RORA: variants seen among roughly 807,000 people sequenced by gnomAD.
The protein encoded by RORA is RAR related orphan receptor A.
In RORA, 7 loss-of-function variants were observed where a neutral mutation model predicts 69.5. The ratio of observed to expected loss-of-function variants is 0.10; its 90% CI spans 0.06 to 0.19. RORA has a LOEUF of 0.19. Ranked by LOEUF, RORA falls within the 10% of genes least tolerant of loss-of-function variation. RORA has a pLI of 1.00. For synonymous variants in RORA, 261 were observed against 240.8 expected (o/e 1.08, Z -0.78); for missense variants, 457 against 663.0 (o/e 0.69, Z 3.41).
intron 1 of RORA, among the ~76,000 whole-genome samples, chr15:60,837,359 A>G (rs2073131688): frequency 6.6e-6 from 1 of 152,248 alleles, no homozygotes; most frequent in Admixed American, 6.5e-5. Flanking sequence ...CCAGATGTGA[A>G]ATGAAGCTTG....
rs186984190 is a variant in RORA at position 60,946,424 on chromosome 15, C to A, written c.167-267738G>T. On this transcript the variant is annotated intron_variant, in intron 1 of 10. Transcript: ENST00000335670. ...CTGCGATTGCAGGCGCGCGCCGCCA[C>A]GCCTGACTGGTTTTCGTATTTTTTT... is the stretch of plus-strand genomic sequence containing the variant. Among the ~76,000 whole-genome samples the A allele has an allele frequency of 8.7e-3, 1,326 of 152,326 alleles. 10 individuals are homozygous for A. Among genetic ancestry groups the A allele is most frequent in the Admixed American group, 0.016 (246 of 15,304 alleles).
At chr15:60,680,080 A>G (rs1218196480) in intron 1 of RORA, among the ~76,000 whole-genome samples, 2 of 152,198 alleles carry the variant, frequency 1.3e-5, no homozygotes, top group African/African-American at 4.8e-5. Flanking sequence ...TGGGAAGGGA[A>G]CTTCCCCCAG....
intron 1 of RORA, among the ~76,000 whole-genome samples, chr15:60,910,903 GGT>G (rs1491558845): frequency 6.2e-5 from 8 of 129,658 alleles, no homozygotes; most frequent in African/African-American, 2.2e-4. Context: ...TTGTTTTTTG[GGT>G]TTTTTTTTTT....
rs538527295 is a variant in RORA at position 60,646,838 on chromosome 15, C to T, written c.196+31819G>A. On this transcript the variant is annotated intron_variant, in intron 2 of 10. Transcript: ENST00000335670. Reference sequence around the variant, plus strand: ...TCGTATGCTTGGGCAAGTCACATAGCTCCTGTGGGACTCCGTTTCCTCACC... The same window carrying T: ...TCGTATGCTTGGGCAAGTCACATAGTTCCTGTGGGACTCCGTTTCCTCACC... 7.7e-4 allele frequency among the ~76,000 whole-genome samples: 118 copies of T among 152,368 alleles called. 1 individual carries two copies. The highest frequency in any genetic ancestry group is 2.1e-3 in the South Asian group (10 of 4,830).
At chr15:61,171,665 C>T (rs1331135875) in intron 1 of RORA, among the ~76,000 whole-genome samples, 1 of 152,200 alleles carries the variant, frequency 6.6e-6, no homozygotes, top group Non-Finnish European at 1.5e-5. Context: ...TAACCTATGA[C>T]ACATCGCTCA....
intron 1 of RORA, among the ~76,000 whole-genome samples, chr15:60,999,442 A>C (rs962119848): frequency 1.3e-5 from 2 of 152,170 alleles, no homozygotes; most frequent in East Asian, 1.9e-4. Context: ...GCTTATATTC[A>C]TGGATGTTAG....
At chr15:60,896,870 C>G (rs1326591377) in intron 1 of RORA, among the ~76,000 whole-genome samples, 3 of 151,978 alleles carry the variant, frequency 2.0e-5, no homozygotes, top group Non-Finnish European at 2.9e-5. Flanking sequence ...AGAGGCTCAG[C>G]TCTATCACTT....
At position 60,493,265 on chromosome 15, in the gene RORA, A is replaced by C. The variant is rs1449730614; in HGVS notation, c.*4190T>G. 1 of 152,112 alleles carries C rather than the reference A, an allele frequency of 6.6e-6. No homozygotes were observed. Among genetic ancestry groups the C allele is most frequent in the Non-Finnish European group, 1.5e-5 (1 of 68,024 alleles). 9.4% of individuals were successfully genotyped at this position (152,112 alleles called of 1,614,324 possible). On this transcript the variant is annotated 3_prime_UTR_variant, in exon 11 of 11. Coordinates refer to ENST00000335670, the MANE Select transcript of RORA (RefSeq NM_134261.3). The stretch of plus-strand genomic sequence containing the variant: ...CCCCTCAACAATAACAAGTGATTCG[A>C]TCGACATTCCTTAGCCAAAAACAAA...
intron 1 of RORA, among the ~76,000 whole-genome samples, chr15:61,142,590 A>G (rs2079310127): frequency 1.3e-5 from 2 of 152,242 alleles, no homozygotes; most frequent in African/African-American, 4.8e-5. Flanking sequence ...TTTATAAATA[A>G]TAATGTAAAA....
At chr15:60,865,530 T>C (rs1401345273) in intron 1 of RORA, among the ~76,000 whole-genome samples, 2 of 152,244 alleles carry the variant, frequency 1.3e-5, no homozygotes, top group East Asian at 3.8e-4. Flanking sequence ...AGAACCTCAA[T>C]GCCCTGCTGT....
intron 1 of RORA, among the ~76,000 whole-genome samples, chr15:61,151,132 A>G (rs2079394560): frequency 1.3e-5 from 2 of 152,326 alleles, no homozygotes; most frequent in Admixed American, 1.3e-4. Flanking sequence ...ATGTAGCCTT[A>G]GATTTCTTTT....
intron 1 of RORA, among the ~76,000 whole-genome samples, chr15:60,926,946 T>C (rs1892237741): frequency 6.6e-6 from 1 of 152,192 alleles, no homozygotes; most frequent in Non-Finnish European, 1.5e-5. Context: ...GCTCTTGAGA[T>C]TTGGGGTAAA....
intron 1 of RORA, among the ~76,000 whole-genome samples, chr15:60,917,420 T>C (rs1326593132): frequency 6.6e-6 from 1 of 152,068 alleles, no homozygotes; most frequent in Non-Finnish European, 1.5e-5. Flanking sequence ...GTAAGGAGAG[T>C]AACAGCGTTA....
intron 2 of RORA, among the ~76,000 whole-genome samples, chr15:60,556,036 T>C (rs1388722088): frequency 1.3e-5 from 2 of 152,254 alleles, no homozygotes; most frequent in East Asian, 3.9e-4. Flanking sequence ...ACCTATTTTC[T>C]GCTGTTTCTT....
intron 1 of RORA, among the ~76,000 whole-genome samples, chr15:61,099,965 AACTT>A (rs1212982028): frequency 6.6e-6 from 1 of 152,162 alleles, no homozygotes; most frequent in African/African-American, 2.4e-5. Flanking sequence ...CCTTTTGTCA[AACTT>A]AATTTAAAAA....
At chr15:60,584,083 G>T (rs1479863867) in intron 2 of RORA, among the ~76,000 whole-genome samples, 1 of 152,178 alleles carries the variant, frequency 6.6e-6, no homozygotes, top group Admixed American at 6.5e-5. Flanking sequence ...AGGACTCTGC[G>T]GTCCACCTGG....
chr15:61,053,253 C>T (rs1327748232), intron 1 of RORA, among the ~76,000 whole-genome samples: 2 of 151,658 alleles, frequency 1.3e-5, no homozygotes, highest in Admixed American at 1.3e-4. Context: ...CAGCTGTCAG[C>T]TGCAAAAACA....
intron 1 of RORA, among the ~76,000 whole-genome samples, chr15:61,053,034 T>C (rs2078035211): frequency 6.6e-6 from 1 of 152,206 alleles, no homozygotes; most frequent in East Asian, 1.9e-4. Context: ...CTTAATCTAT[T>C]TTATTGATTA....
chr15:60,666,795 A>G (rs761761360), intron 2 of RORA, among the ~76,000 whole-genome samples: 6 of 152,202 alleles, frequency 3.9e-5, no homozygotes, highest in African/African-American at 7.2e-5. Context: ...CACTGCCTGC[A>G]TGGGAGAAGT....
Sources: allele counts gnomAD v4.1 joint callset (sites outside exome capture counted in the v4.1 genomes callset), GRCh38; gene constraint gnomAD v4.1.1; transcripts MANE v1.5; gene names NCBI Gene and HGNC (gene_info 2026-07-23, HGNC 2026-07-21).